The following ADCY8 variants were observed in gnomAD, a reference collection of about 807,000 sequenced individuals.
The protein encoded by ADCY8 is adenylate cyclase type 8.
A neutral mutation model predicts 119.7 loss-of-function variants in ADCY8; 51 were observed. That is an observed-to-expected ratio of 0.43 (90% CI 0.34 to 0.54). The LOEUF (loss-of-function observed/expected upper bound fraction) is 0.54. Ranked by LOEUF, ADCY8 falls within the 20% of genes least tolerant of loss-of-function variation. ADCY8 has a pLI of 0.03. For missense variants in ADCY8, 1,383 were observed against 1,598.8 expected (o/e 0.87, Z 2.30); for synonymous variants, 665 against 651.0 (o/e 1.02, Z -0.33).
intron 12 of ADCY8, among the ~76,000 whole-genome samples, chr8:130,827,005 G>A (rs1816689225): frequency 6.6e-6 from 1 of 152,124 alleles, no homozygotes; most frequent in Non-Finnish European, 1.5e-5. Flanking sequence ...CACGGCACAT[G>A]TATACATATG....
intron 15 of ADCY8, among the ~76,000 whole-genome samples, chr8:130,790,357 C>A (rs1815387996): frequency 6.6e-6 from 1 of 152,118 alleles, no homozygotes; most frequent in South Asian, 2.1e-4. Context: ...AGCCTCCTAT[C>A]TCCTTGTTTT....
At chr8:130,809,828 T>C (rs967348992) in intron 14 of ADCY8, among the ~76,000 whole-genome samples, 1 of 152,216 alleles carries the variant, frequency 6.6e-6, no homozygotes, top group Non-Finnish European at 1.5e-5. Flanking sequence ...CTTGCAGCAA[T>C]GATGGCACTG....
chr8:130,978,033 T>C (rs981763949), intron 2 of ADCY8, among the ~76,000 whole-genome samples: 1 of 152,302 alleles, frequency 6.6e-6, no homozygotes, highest in African/African-American at 2.4e-5. Context: ...TGCTCTGCAC[T>C]GGGGAGAGCA....
intron 17 of ADCY8, among the ~76,000 whole-genome samples, chr8:130,783,376 G>A (rs750995059): frequency 1.2e-4 from 18 of 152,352 alleles, no homozygotes; most frequent in Non-Finnish European, 1.0e-4. Flanking sequence ...TGATTAGTCA[G>A]CTACATCTCT....
intron 12 of ADCY8, among the ~76,000 whole-genome samples, chr8:130,830,541 G>A (rs1371237541): frequency 6.6e-6 from 1 of 152,172 alleles, no homozygotes; most frequent in Non-Finnish European, 1.5e-5. Context: ...AGAGAGAGCT[G>A]TTTTCCTTTC....
intron 14 of ADCY8, among the ~76,000 whole-genome samples, chr8:130,805,006 C>T (rs1815901162): frequency 6.6e-6 from 1 of 152,202 alleles, no homozygotes; most frequent in Admixed American, 6.5e-5. Flanking sequence ...CTAGGCCTCC[C>T]AAAGTGTTGG....
chr8:130,869,677 C>T (rs1447459704), intron 8 of ADCY8, among the ~76,000 whole-genome samples: 1 of 151,692 alleles, frequency 6.6e-6, no homozygotes, highest in Non-Finnish European at 1.5e-5. Context: ...GCCACCACGC[C>T]TGGCTATTTT....
At position 130,970,697 on chromosome 8, in the gene ADCY8, T is replaced by C. The variant is rs1275064204; in HGVS notation, c.1111-18699A>G. On this transcript the variant is annotated intron_variant, in intron 2 of 17. Coordinates refer to ENST00000286355, the MANE Select transcript of ADCY8 (RefSeq NM_001115.3). ...GATGATATTGTGTTGGTTCCACTAGTTGGAATTCACCAACTCTGGTGGAAA... is the reference window on the plus strand; with the variant it reads ...GATGATATTGTGTTGGTTCCACTAGCTGGAATTCACCAACTCTGGTGGAAA... Among the ~76,000 whole-genome samples, 5 of 152,212 alleles carry C rather than the reference T, an allele frequency of 3.3e-5. No homozygotes were observed. In the East Asian group the frequency reaches 7.7e-4, roughly 23 times the overall value.
intron 1 of ADCY8, among the ~76,000 whole-genome samples, chr8:131,036,276 T>C (rs1824150696): frequency 6.6e-6 from 1 of 152,222 alleles, no homozygotes; most frequent in Non-Finnish European, 1.5e-5. Context: ...CTTAGTTACA[T>C]GTAAAATACT....
chr8:130,812,059 G>T (rs977720674), intron 14 of ADCY8, among the ~76,000 whole-genome samples: 1 of 152,106 alleles, frequency 6.6e-6, no homozygotes, highest in Non-Finnish European at 1.5e-5. Flanking sequence ...ATATCCTAAA[G>T]GTGTCTGTAA....
At chr8:130,814,640 G>A (rs1231042322) in intron 13 of ADCY8, among the ~76,000 whole-genome samples, 2 of 152,196 alleles carry the variant, frequency 1.3e-5, no homozygotes, top group African/African-American at 4.8e-5. Flanking sequence ...TCACAATCAT[G>A]GTGGAAGATG....
chr8:130,964,049 G>A (rs1250441694), intron 2 of ADCY8, among the ~76,000 whole-genome samples: 2 of 152,112 alleles, frequency 1.3e-5, no homozygotes, highest in East Asian at 3.8e-4. Flanking sequence ...TTCTCTAACT[G>A]GTCTGCTGAA....
At chr8:130,887,385 A>T (rs1819029665) in intron 7 of ADCY8, among the ~76,000 whole-genome samples, 1 of 152,144 alleles carries the variant, frequency 6.6e-6, no homozygotes, top group Non-Finnish European at 1.5e-5. Context: ...ACCAAGTTAT[A>T]GGTAATAGTT....
At chr8:131,022,762 T>C (rs1238119043) in intron 1 of ADCY8, among the ~76,000 whole-genome samples, 3 of 152,252 alleles carry the variant, frequency 2.0e-5, no homozygotes, top group East Asian at 3.9e-4. Context: ...AGGCAGTCCA[T>C]GTAACAACAG....
At chr8:130,963,544 C>T (rs1586611371) in intron 2 of ADCY8, among the ~76,000 whole-genome samples, 2 of 152,244 alleles carry the variant, frequency 1.3e-5, no homozygotes, top group Non-Finnish European at 1.5e-5. Context: ...GTATTAGACG[C>T]TATAAATTTA....
intron 7 of ADCY8, among the ~76,000 whole-genome samples, chr8:130,893,282 C>T (rs981538073): frequency 4.6e-5 from 7 of 152,158 alleles, no homozygotes; most frequent in East Asian, 1.9e-4. Context: ...GACTTCATCT[C>T]GAGATTAGGG....
intron 6 of ADCY8, among the ~76,000 whole-genome samples, chr8:130,904,317 T>A (rs558410321): frequency 6.6e-6 from 1 of 152,328 alleles, no homozygotes; most frequent in Admixed American, 6.5e-5. Flanking sequence ...ATCTTTTGGC[T>A]TTTCTTATGA....
At chr8:130,993,422 T>C (rs962383658) in intron 1 of ADCY8, among the ~76,000 whole-genome samples, 1 of 152,172 alleles carries the variant, frequency 6.6e-6, no homozygotes, top group Admixed American at 6.6e-5. Context: ...TCAGCAAAGA[T>C]AGAGATAATC....
At chr8:130,923,787 G>A (rs946423354) in intron 5 of ADCY8, among the ~76,000 whole-genome samples, 2 of 152,072 alleles carry the variant, frequency 1.3e-5, no homozygotes, top group African/African-American at 2.4e-5. Context: ...GACATTAAGT[G>A]TTTCATTGGA....
Sources: gnomAD v4.1 joint callset for allele counts (sites outside exome capture counted in the v4.1 genomes callset) on GRCh38, gnomAD v4.1.1 for gene constraint, MANE v1.5 for transcripts, NCBI Gene and HGNC (gene_info 2026-07-23, HGNC 2026-07-21) for gene names.